LGR4: variants seen among roughly 807,000 people sequenced by gnomAD.
The protein encoded by LGR4 is leucine-rich repeat-containing G protein-coupled receptor 4.
A neutral mutation model predicts 84.8 loss-of-function variants in LGR4; 44 were observed. The ratio of observed to expected loss-of-function variants is 0.52; its 90% CI spans 0.41 to 0.67. LGR4 has a LOEUF of 0.67. LGR4 is among the 30% of genes least tolerant of loss of function. The pLI, the probability that LGR4 is intolerant of heterozygous loss-of-function variation, is 0.00. For missense variants in LGR4, 1,032 were observed against 1,131.4 expected (o/e 0.91, Z 1.26); for synonymous variants, 429 against 434.3 (o/e 0.99, Z 0.15).
At chr11:27,384,249 C>T (rs1863147936) in intron 6 of LGR4, 87 bp downstream of exon 6, 2 of 822,096 alleles carry the variant, frequency 2.4e-6, no homozygotes, top group East Asian at 4.9e-5. Flanking sequence ...GAACTTAAGG[C>T]CAATATTTTT....
intron 2 of LGR4, among the ~76,000 whole-genome samples, chr11:27,396,345 A>C (rs1190869158): frequency 6.6e-6 from 1 of 152,174 alleles, no homozygotes; most frequent in Non-Finnish European, 1.5e-5. Flanking sequence ...ACTATGCATT[A>C]GGAGCCCAGA....
chr11:27,424,605 CCACGGAGCT>C (rs1863985772), intron 1 of LGR4, among the ~76,000 whole-genome samples: 1 of 152,112 alleles, frequency 6.6e-6, no homozygotes, highest in Non-Finnish European at 1.5e-5. Flanking sequence ...AGGAGAAACC[CCACGGAGCT>C]CACGGAGCTC....
intron 1 of LGR4, among the ~76,000 whole-genome samples, chr11:27,467,515 C>T (rs192409802): frequency 2.3e-4 from 34 of 149,328 alleles, no homozygotes; most frequent in African/African-American, 8.2e-4. Flanking sequence ...TGCAGTGAGC[C>T]GAGGTCGTGC....
intron 1 of LGR4, among the ~76,000 whole-genome samples, chr11:27,413,953 A>G (rs767850055): frequency 2.6e-5 from 4 of 152,110 alleles, no homozygotes; most frequent in Non-Finnish European, 5.9e-5. Flanking sequence ...AATGGAATCT[A>G]CATCCTTTCT....
At chr11:27,471,046 A>T (rs1304971827) in intron 1 of LGR4, among the ~76,000 whole-genome samples, 1 of 152,030 alleles carries the variant, frequency 6.6e-6, no homozygotes, top group African/African-American at 2.4e-5. Flanking sequence ...CGTTTCTTCG[A>T]CTGCTCCTGA....
intron 1 of LGR4, among the ~76,000 whole-genome samples, chr11:27,430,303 A>T (rs1864094618): frequency 6.6e-6 from 1 of 152,160 alleles, no homozygotes; most frequent in Admixed American, 6.5e-5. Context: ...ACATGCCAAC[A>T]ATTAAGCAAT....
intron 1 of LGR4, among the ~76,000 whole-genome samples, chr11:27,452,561 G>C (rs1222789460): frequency 7.4e-6 from 1 of 134,918 alleles, no homozygotes; most frequent in African/African-American, 2.5e-5. Context: ...TGGTCTGTTC[G>C]CCAACACTAT....
chr11:27,430,177 G>C (rs1565090904), intron 1 of LGR4, among the ~76,000 whole-genome samples: 1 of 152,044 alleles, frequency 6.6e-6, no homozygotes, highest in Non-Finnish European at 1.5e-5. Context: ...CCCAGCTATA[G>C]TAATTAATTC....
At chr11:27,470,328 A>G (rs1240309321) in intron 1 of LGR4, among the ~76,000 whole-genome samples, 5 of 152,158 alleles carry the variant, frequency 3.3e-5, no homozygotes, top group African/African-American at 1.2e-4. Context: ...AAGTGTGATT[A>G]TTTCTCTGTG....
At chr11:27,447,950 T>C (rs924941275) in intron 1 of LGR4, among the ~76,000 whole-genome samples, 12 of 152,218 alleles carry the variant, frequency 7.9e-5, no homozygotes, top group Non-Finnish European at 1.5e-4. Flanking sequence ...TATACTTCAA[T>C]GAACCTTATA....
intron 2 of LGR4, among the ~76,000 whole-genome samples, chr11:27,409,517 G>A (rs766127958): frequency 1.6e-4 from 25 of 151,964 alleles, no homozygotes; most frequent in South Asian, 6.2e-4. Context: ...CTGTGTTCCC[G>A]GTCTCAGCAA....
chr11:27,460,004 T>C (rs1864654167), intron 1 of LGR4, among the ~76,000 whole-genome samples: 1 of 151,952 alleles, frequency 6.6e-6, no homozygotes, highest in Non-Finnish European at 1.5e-5. Flanking sequence ...AGCATGAGAA[T>C]CACTTGAACC....
chr11:27,408,638 T>C (rs937799954), intron 2 of LGR4, among the ~76,000 whole-genome samples: 4 of 152,100 alleles, frequency 2.6e-5, no homozygotes, highest in African/African-American at 9.7e-5. Context: ...CAACGTCACA[T>C]CAGGCAGCAG....
chr11:27,386,139 AAGC>A (rs1863183630), intron 4 of LGR4, among the ~76,000 whole-genome samples: 2 of 152,182 alleles, frequency 1.3e-5, no homozygotes, highest in Non-Finnish European at 2.9e-5. Flanking sequence ...TGGAAAAACC[AAGC>A]AGCTCCTGGA....
In LGR4 at chr11:27,472,646, T is replaced by TTGCA. The variant is rs1457274936; in HGVS notation, c.-348_-345dup. The TTGCA allele has an allele frequency of 2.8e-6, 1 of 355,324 alleles. No homozygotes were observed. Among genetic ancestry groups the TTGCA allele is most frequent in the African/African-American group, 2.1e-5 (1 of 46,730 alleles). 22.0% of individuals were successfully genotyped at this position (355,324 alleles called of 1,614,324 possible). A position where few individuals can be genotyped will look rare whatever the true frequency, so the allele number is the denominator to read the frequency against. ...CTCTCAATGCAGCGGCTCTTCAAGG[T>TTGCA]TGCAGAGCGCAGCCTTCAGCCATGC... On this transcript the variant is annotated 5_prime_UTR_variant, in exon 1 of 18. It adds an upstream start codon to the 5' untranslated region. Transcript: ENST00000379214.
chr11:27,370,322 C>G (rs1053358152), intron 17 of LGR4, among the ~76,000 whole-genome samples: 1 of 152,174 alleles, frequency 6.6e-6, no homozygotes. Flanking sequence ...AGAGAAAGCT[C>G]GTTATCACCT....
chr11:27,391,198 G>T, intron 3 of LGR4, 33 bp from the exon 4 acceptor site: 1 of 1,081,964 alleles, frequency 9.2e-7, no homozygotes, highest in Non-Finnish European at 1.4e-6. Flanking sequence ...TGAGTAACAA[G>T]TGATAGTTAC....
intron 1 of LGR4, among the ~76,000 whole-genome samples, chr11:27,463,089 A>C (rs1425361194): frequency 1.3e-5 from 2 of 150,070 alleles, no homozygotes; most frequent in African/African-American, 4.9e-5. Flanking sequence ...AAAAAAAAAA[A>C]AAAAATACAA....
At chr11:27,430,337 G>A (rs951921263) in intron 1 of LGR4, among the ~76,000 whole-genome samples, 1 of 152,110 alleles carries the variant, frequency 6.6e-6, no homozygotes, top group African/African-American at 2.4e-5. Context: ...TATACTCCAC[G>A]TTAACAGGGC....
Sources: allele counts gnomAD v4.1 joint callset (sites outside exome capture counted in the v4.1 genomes callset), GRCh38; gene constraint gnomAD v4.1.1; transcripts MANE v1.5; gene names NCBI Gene and HGNC (gene_info 2026-07-23, HGNC 2026-07-21).